Variants in EPM2A observed in about 807,000 individuals in gnomAD.
EPM2A encodes EPM2A glucan phosphatase, laforin, also known as laforin.
A neutral mutation model predicts 26.5 loss-of-function variants in EPM2A; 21 were observed. The ratio of observed to expected loss-of-function variants is 0.79; its 90% CI spans 0.56 to 1.14. The LOEUF (loss-of-function observed/expected upper bound fraction) is 1.14, where lower values mean the gene tolerates loss of function less well. Ranked by LOEUF, EPM2A falls within the 50% of genes most tolerant of loss-of-function variation. EPM2A has a pLI of 0.00. For missense variants in EPM2A, 458 were observed against 440.8 expected (o/e 1.04, Z -0.35); for synonymous variants, 217 against 177.6 (o/e 1.22, Z -1.76).
At chr6:145,479,814 C>T (rs928142911) in intron 4 of EPM2A, among the ~76,000 whole-genome samples, 2 of 151,972 alleles carry the variant, frequency 1.3e-5, no homozygotes, top group East Asian at 1.9e-4. Flanking sequence ...CCATGTTTAG[C>T]GTTTTGAAGG....
At chr6:145,653,583 T>C (rs1351918404) in intron 2 of EPM2A, among the ~76,000 whole-genome samples, 1 of 152,192 alleles carries the variant, frequency 6.6e-6, no homozygotes, top group African/African-American at 2.4e-5. Context: ...CATGTGCATA[T>C]GTATATTAGG....
intron 2 of EPM2A, among the ~76,000 whole-genome samples, chr6:145,663,808 C>T (rs954478334): frequency 1.3e-4 from 14 of 107,170 alleles, no homozygotes; most frequent in South Asian, 5.9e-4. Context: ...AGACTAACAG[C>T]GGATCTCTCG....
intron 2 of EPM2A, among the ~76,000 whole-genome samples, chr6:145,565,437 TA>T (rs904387068): frequency 1.7e-4 from 26 of 151,248 alleles, no homozygotes; most frequent in East Asian, 1.2e-3. Context: ...CTTTAGGTAG[TA>T]AAAAAAAATA....
chr6:145,549,909 T>C (rs1187614561), intron 2 of EPM2A, among the ~76,000 whole-genome samples: 1 of 152,130 alleles, frequency 6.6e-6, no homozygotes, highest in African/African-American at 2.4e-5. Flanking sequence ...CTCCATCGCC[T>C]GCCCTGACAT....
chr6:145,403,617 T>C (rs1332343099), intron 4 of EPM2A, among the ~76,000 whole-genome samples: 1 of 152,190 alleles, frequency 6.6e-6, no homozygotes, highest in Admixed American at 6.6e-5. Flanking sequence ...TATGACTGAA[T>C]GGTACTTCAC....
chr6:145,631,783 C>A (rs1212256862), intron 3 of EPM2A: 1 of 151,796 alleles, frequency 6.6e-6, no homozygotes, highest in Non-Finnish European at 1.5e-5. Flanking sequence ...AGAGAGGGGT[C>A]AAAAGGCCCT....
At chr6:145,514,971 G>T (rs1016559210) in intron 2 of EPM2A, among the ~76,000 whole-genome samples, 2 of 152,190 alleles carry the variant, frequency 1.3e-5, no homozygotes, top group Admixed American at 1.3e-4. Flanking sequence ...GAAGTACATT[G>T]CTGGGGAGCA....
chr6:145,429,744 A>C (rs968510408), intron 4 of EPM2A, among the ~76,000 whole-genome samples: 2 of 152,168 alleles, frequency 1.3e-5, no homozygotes, highest in African/African-American at 4.8e-5. Flanking sequence ...AATTAGGAGA[A>C]TTTTTTAACA....
chr6:145,539,487 A>C (rs940587703), intron 2 of EPM2A, among the ~76,000 whole-genome samples: 1 of 152,208 alleles, frequency 6.6e-6, no homozygotes, highest in South Asian at 2.1e-4. Flanking sequence ...GCCAGCGATA[A>C]GGAGGAGAAT....
chr6:145,501,424 C>T (rs1231199478), downstream of EPM2A, among the ~76,000 whole-genome samples: 1 of 152,070 alleles, frequency 6.6e-6, no homozygotes, highest in African/African-American at 2.4e-5. Flanking sequence ...TTTTGGTTGT[C>T]CCAATTAATT....
intron 4 of EPM2A, among the ~76,000 whole-genome samples, chr6:145,394,141 A>C (rs971660257): frequency 6.6e-6 from 1 of 152,054 alleles, no homozygotes; most frequent in Non-Finnish European, 1.5e-5. Flanking sequence ...GACTATTTTT[A>C]AGGCAAAGCC....
intron 4 of EPM2A, among the ~76,000 whole-genome samples, chr6:145,459,160 GT>G (rs1779297775): frequency 6.6e-6 from 1 of 152,192 alleles, no homozygotes; most frequent in South Asian, 2.1e-4. Flanking sequence ...GTATGGACAA[GT>G]GGGGATATGT....
Position 145,735,189 on chromosome 6 carries a change from T to A in EPM2A, c.301+9A>T, listed in dbSNP as rs1315277022. On this transcript the variant is annotated intron_variant, in intron 1 of 3. Coordinates refer to ENST00000367519, the MANE Select transcript of EPM2A (RefSeq NM_005670.4). ...CTCTGCGCCGGGGGCAGGCGTCTGC[T>A]GGCAATACCTTCCCAGGAGAGCTCT... 3 of 1,497,540 alleles carry A rather than the reference T, an allele frequency of 2.0e-6. No individual in the cohort carries two copies. The highest frequency in any genetic ancestry group is 2.7e-6 in the Non-Finnish European group (3 of 1,118,324). The allele number at this position is 1,497,540 out of a possible 1,614,324, so 92.8% of individuals were successfully genotyped here. A position where few individuals can be genotyped will look rare whatever the true frequency, so the allele number is the denominator to read the frequency against.
At chr6:145,661,754 G>A (rs542973465) in intron 2 of EPM2A, among the ~76,000 whole-genome samples, 6 of 151,904 alleles carry the variant, frequency 3.9e-5, no homozygotes, top group Admixed American at 1.3e-4. Context: ...TCACAGTATC[G>A]GATTTGATTA....
intron 2 of EPM2A, among the ~76,000 whole-genome samples, chr6:145,557,383 C>A (rs1780741504): frequency 6.6e-6 from 1 of 151,674 alleles, no homozygotes; most frequent in East Asian, 1.9e-4. Context: ...TCTTCTTGTA[C>A]CCCCTAAATC....
At chr6:145,654,913 A>AC (rs961748757) in intron 2 of EPM2A, among the ~76,000 whole-genome samples, 4 of 151,984 alleles carry the variant, frequency 2.6e-5, no homozygotes, top group Non-Finnish European at 5.9e-5. Flanking sequence ...ACAAATTTGG[A>AC]CTTTTTTTTT....
chr6:145,727,624 T>C (rs887739612), intron 1 of EPM2A, among the ~76,000 whole-genome samples: 2 of 151,982 alleles, frequency 1.3e-5, no homozygotes, highest in African/African-American at 2.4e-5. Flanking sequence ...AAAATACACA[T>C]AGTCCCTACA....
intron 2 of EPM2A, among the ~76,000 whole-genome samples, chr6:145,570,741 C>T (rs1433026399): frequency 6.6e-6 from 1 of 152,206 alleles, no homozygotes; most frequent in Non-Finnish European, 1.5e-5. Flanking sequence ...TGTAGTCCTG[C>T]CTGGATTGGG....
At chr6:145,644,443 G>A (rs1485478700) in intron 2 of EPM2A, among the ~76,000 whole-genome samples, 2 of 152,030 alleles carry the variant, frequency 1.3e-5, no homozygotes, top group African/African-American at 2.4e-5. Context: ...ATTTTGAAAA[G>A]CTGCATAAGT....
Sources: gnomAD v4.1 joint callset for allele counts (sites outside exome capture counted in the v4.1 genomes callset) on GRCh38, gnomAD v4.1.1 for gene constraint, MANE v1.5 for transcripts, NCBI Gene and HGNC (gene_info 2026-07-23, HGNC 2026-07-21) for gene names.